The following HS3ST4 variants were observed in gnomAD, a reference collection of about 807,000 sequenced individuals.
HS3ST4 encodes the protein heparan sulfate-glucosamine 3-sulfotransferase 4, also known as heparan sulfate glucosamine 3-O-sulfotransferase 4.
In HS3ST4, 17 loss-of-function variants were observed where a neutral mutation model predicts 29.2. That is an observed-to-expected ratio of 0.58 (90% CI 0.40 to 0.87). HS3ST4 has a LOEUF of 0.87. Ranked by LOEUF, HS3ST4 falls within the 40% of genes least tolerant of loss-of-function variation. HS3ST4 has a pLI of 0.00. For synonymous variants in HS3ST4, 314 were observed against 285.7 expected (o/e 1.10, Z -1.00); for missense variants, 627 against 634.5 (o/e 0.99, Z 0.13).
At chr16:25,769,119 A>T (rs191906779) in intron 1 of HS3ST4, among the ~76,000 whole-genome samples, 1 of 152,176 alleles carries the variant, frequency 6.6e-6, no homozygotes, top group African/African-American at 2.4e-5. Flanking sequence ...TGGCAGCAAG[A>T]ATCAGAGTTC....
chr16:25,835,259 A>T (rs553277052), intron 1 of HS3ST4, among the ~76,000 whole-genome samples: 1 of 152,092 alleles, frequency 6.6e-6, no homozygotes, highest in African/African-American at 2.4e-5. Context: ...GAACATCAAA[A>T]CTCCTGACTA....
intron 1 of HS3ST4, among the ~76,000 whole-genome samples, chr16:25,983,397 G>A (rs114257816): frequency 0.01 from 1,527 of 152,262 alleles, 21 homozygotes; most frequent in African/African-American, 0.035. Flanking sequence ...ATGGGATGAC[G>A]TGCATATGAC....
chr16:25,848,124 T>A, intron 1 of HS3ST4, among the ~76,000 whole-genome samples: 1 of 152,116 alleles, frequency 6.6e-6, no homozygotes. Context: ...TTGGGAGGGT[T>A]AGGTATTTGC....
chr16:26,079,737 A>G (rs1898703781), intron 1 of HS3ST4, among the ~76,000 whole-genome samples: 1 of 152,168 alleles, frequency 6.6e-6, no homozygotes, highest in South Asian at 2.1e-4. Context: ...ATTAAAGAGG[A>G]AGGAAGGGAA....
chr16:25,762,876 C>CAAA (rs67260535), intron 1 of HS3ST4, among the ~76,000 whole-genome samples: 1,736 of 59,946 alleles, frequency 0.029, 125 homozygotes, highest in Middle Eastern at 0.037. Context: ...GACCCTGTCT[C>CAAA]AAAAAAAAAA....
intron 1 of HS3ST4, among the ~76,000 whole-genome samples, chr16:26,109,827 C>T (rs961510856): frequency 1.3e-5 from 2 of 151,308 alleles, no homozygotes; most frequent in African/African-American, 4.9e-5. Context: ...CAATGTAATT[C>T]AATATATGTA....
chr16:26,037,802 A>G (rs1266096096), intron 1 of HS3ST4, among the ~76,000 whole-genome samples: 1 of 152,168 alleles, frequency 6.6e-6, no homozygotes, highest in Non-Finnish European at 1.5e-5. Context: ...ACTTAAAGAA[A>G]GGGCACAAGA....
At chr16:25,716,765 G>A (rs1966457033) in intron 1 of HS3ST4, among the ~76,000 whole-genome samples, 1 of 152,168 alleles carries the variant, frequency 6.6e-6, no homozygotes, top group South Asian at 2.1e-4. Flanking sequence ...ATAAAGAAGG[G>A]GAATTAGGTC....
intron 1 of HS3ST4, among the ~76,000 whole-genome samples, chr16:25,830,464 G>A (rs1436384763): frequency 1.3e-5 from 2 of 152,186 alleles, no homozygotes; most frequent in South Asian, 2.1e-4. Flanking sequence ...GGCATCACCT[G>A]TTCTTCTCAG....
chr16:25,995,746 C>T (rs184478533), intron 1 of HS3ST4, among the ~76,000 whole-genome samples: 12 of 152,248 alleles, frequency 7.9e-5, no homozygotes, highest in African/African-American at 2.9e-4. Flanking sequence ...GTTATTTAGC[C>T]TTGCTGAACC....
intron 1 of HS3ST4, among the ~76,000 whole-genome samples, chr16:25,708,759 A>G (rs1174070953): frequency 6.6e-6 from 1 of 152,150 alleles, no homozygotes; most frequent in African/African-American, 2.4e-5. Context: ...TAGCCTGTGT[A>G]TCTGTGTCAA....
chr16:25,810,192 T>G (rs1306311319), intron 1 of HS3ST4, among the ~76,000 whole-genome samples: 1 of 152,138 alleles, frequency 6.6e-6, no homozygotes, highest in African/African-American at 2.4e-5. Flanking sequence ...TCCTCTATAT[T>G]TTTTTGAGAC....
chr16:25,805,221 G>A (rs537424279), intron 1 of HS3ST4, among the ~76,000 whole-genome samples: 14 of 152,322 alleles, frequency 9.2e-5, no homozygotes, highest in African/African-American at 3.4e-4. Flanking sequence ...ATACACTTGA[G>A]GAGGGGAGGA....
intron 1 of HS3ST4, among the ~76,000 whole-genome samples, chr16:25,779,383 G>C (rs142561872): frequency 6.6e-6 from 1 of 152,326 alleles, no homozygotes; most frequent in African/African-American, 2.4e-5. Flanking sequence ...AGTCACACAG[G>C]AAGTTGGTGG....
chr16:25,836,911 G>A (rs143390447), intron 1 of HS3ST4, among the ~76,000 whole-genome samples: 18 of 152,282 alleles, frequency 1.2e-4, no homozygotes, highest in Non-Finnish European at 2.2e-4. Flanking sequence ...AAATGTACTC[G>A]ACAACTGGTT....
chr16:25,904,654 A>G (rs989587528), intron 1 of HS3ST4, among the ~76,000 whole-genome samples: 4 of 152,178 alleles, frequency 2.6e-5, no homozygotes, highest in Non-Finnish European at 4.4e-5. Context: ...GTCTTTCAAT[A>G]TAGCTTGGTA....
intron 1 of HS3ST4, among the ~76,000 whole-genome samples, chr16:25,887,551 C>T (rs1967966560): frequency 6.6e-6 from 1 of 152,076 alleles, no homozygotes; most frequent in Admixed American, 6.5e-5. Context: ...TTGTGATGGG[C>T]ACAGCTGGCT....
chr16:25,904,442 G>A lies in HS3ST4; in HGVS notation c.734+211291G>A, dbSNP rs117508078. On this transcript the variant is annotated intron_variant, in intron 1 of 1. Transcript: ENST00000331351. Reference sequence around the variant, plus strand: ...GTGGCAACATTTGCTTTTTAAAATCGAATATACTTTTGAGCTGCCAGAGGT... The same window carrying A: ...GTGGCAACATTTGCTTTTTAAAATCAAATATACTTTTGAGCTGCCAGAGGT... Among the ~76,000 whole-genome samples, 50 of 152,226 alleles carry A rather than the reference G, an allele frequency of 3.3e-4. No individual in the cohort carries two copies. In the East Asian group the frequency reaches 8.3e-3, roughly 25 times the overall value.
chr16:26,038,205 C>T (rs944220933), intron 1 of HS3ST4, among the ~76,000 whole-genome samples: 1 of 152,102 alleles, frequency 6.6e-6, no homozygotes. Context: ...GAATGCTCTT[C>T]CCCGATTGCC....
Sources: allele counts gnomAD v4.1 joint callset (sites outside exome capture counted in the v4.1 genomes callset), GRCh38; gene constraint gnomAD v4.1.1; transcripts MANE v1.5; gene names NCBI Gene and HGNC (gene_info 2026-07-23, HGNC 2026-07-21).